SLC24A3: variants seen among roughly 807,000 people sequenced by gnomAD.
The protein encoded by SLC24A3 is sodium/potassium/calcium exchanger 3.
In SLC24A3, 28 loss-of-function variants were observed where a neutral mutation model predicts 75.8. The ratio of observed to expected loss-of-function variants is 0.37; its 90% CI spans 0.27 to 0.51. The LOEUF (loss-of-function observed/expected upper bound fraction) is 0.51, where lower values mean the gene tolerates loss of function less well. Ranked by LOEUF, SLC24A3 falls within the 20% of genes least tolerant of loss-of-function variation. The pLI is 0.94. For synonymous variants in SLC24A3, 372 were observed against 334.1 expected (o/e 1.11, Z -1.24); for missense variants, 663 against 847.8 (o/e 0.78, Z 2.71).
chr20:19,620,374 T>C (rs1433115389), intron 6 of SLC24A3, among the ~76,000 whole-genome samples: 2 of 152,214 alleles, frequency 1.3e-5, no homozygotes, highest in African/African-American at 4.8e-5. Flanking sequence ...GCATCTCAAA[T>C]TCAAGGCTCT....
chr20:19,670,848 C>T (rs1190773944), intron 8 of SLC24A3, among the ~76,000 whole-genome samples: 1 of 152,074 alleles, frequency 6.6e-6, no homozygotes, highest in Non-Finnish European at 1.5e-5. Flanking sequence ...TGGCTGCTTT[C>T]TGCTGGGGAG....
At chr20:19,284,125 G>T (rs1983741976) in intron 2 of SLC24A3, 1 of 153,246 alleles carries the variant, frequency 6.5e-6, no homozygotes, top group South Asian at 2.1e-4. Context: ...TGTGAGCCCT[G>T]GTTACCTCCA....
chr20:19,664,976 G>C (rs1275485775), intron 7 of SLC24A3, among the ~76,000 whole-genome samples: 1 of 152,158 alleles, frequency 6.6e-6, no homozygotes, highest in Non-Finnish European at 1.5e-5. Context: ...TGTTCTCTGT[G>C]ACTCAGTTTC....
At chr20:19,527,100 T>C (rs373025798) in intron 3 of SLC24A3, among the ~76,000 whole-genome samples, 48 of 152,116 alleles carry the variant, frequency 3.2e-4, no homozygotes, top group African/African-American at 1.1e-3. Context: ...CTCCCTGAAA[T>C]CCAACTACAA....
At chr20:19,541,111 T>C (rs1328414389) in intron 3 of SLC24A3, among the ~76,000 whole-genome samples, 1 of 152,256 alleles carries the variant, frequency 6.6e-6, no homozygotes, top group Non-Finnish European at 1.5e-5. Flanking sequence ...CTTTTTACTT[T>C]AGTCTACATT....
At chr20:19,295,689 T>G (rs879309120) in intron 2 of SLC24A3, among the ~76,000 whole-genome samples, 4 of 152,192 alleles carry the variant, frequency 2.6e-5, no homozygotes, top group Non-Finnish European at 4.4e-5. Flanking sequence ...CAGCCTTGCA[T>G]CAGGGATGAA....
intron 2 of SLC24A3, among the ~76,000 whole-genome samples, chr20:19,437,279 C>T (rs1448039378): frequency 6.6e-6 from 1 of 152,148 alleles, no homozygotes; most frequent in African/African-American, 2.4e-5. Context: ...GGGCAGTTTT[C>T]CCCATGCTGT....
chr20:19,232,295 G>C (rs6045926), intron 1 of SLC24A3, among the ~76,000 whole-genome samples: 96,920 of 152,030 alleles, frequency 0.64, 32,092 homozygotes, highest in East Asian at 0.96. Flanking sequence ...GTGATGATCA[G>C]CTCTCTTTAT....
chr20:19,601,481 T>C (rs1466078640), intron 6 of SLC24A3, among the ~76,000 whole-genome samples: 1 of 152,112 alleles, frequency 6.6e-6, no homozygotes, highest in Non-Finnish European at 1.5e-5. Flanking sequence ...GCGTCATCCC[T>C]CCTCCACTCA....
chr20:19,557,760 T>G (rs2030812986), intron 3 of SLC24A3, among the ~76,000 whole-genome samples: 1 of 152,160 alleles, frequency 6.6e-6, no homozygotes. Flanking sequence ...GTGTGACAAA[T>G]CTGTTCTAAC....
intron 3 of SLC24A3, among the ~76,000 whole-genome samples, chr20:19,575,095 C>CA (rs1379169527): frequency 1.0e-4 from 15 of 149,770 alleles, no homozygotes; most frequent in South Asian, 8.5e-4. Context: ...AAAAAAAATA[C>CA]AAAAAAAAAT....
intron 12 of SLC24A3, among the ~76,000 whole-genome samples, chr20:19,687,374 T>C (rs1329536564): frequency 6.6e-6 from 1 of 152,186 alleles, no homozygotes; most frequent in Non-Finnish European, 1.5e-5. Context: ...ATCAGGCACC[T>C]GCACAATCTC....
At chr20:19,680,330 C>T (rs1048085957) in intron 9 of SLC24A3, among the ~76,000 whole-genome samples, 6 of 152,144 alleles carry the variant, frequency 3.9e-5, no homozygotes, top group Non-Finnish European at 8.8e-5. Flanking sequence ...TATGTGTTTC[C>T]TATATGTCTG....
chr20:19,611,424 C>T (rs980753909), intron 6 of SLC24A3, among the ~76,000 whole-genome samples: 6 of 152,158 alleles, frequency 3.9e-5, no homozygotes, highest in Admixed American at 3.9e-4. Flanking sequence ...GATTCTTGAT[C>T]CCCACTTAGG....
intron 2 of SLC24A3, among the ~76,000 whole-genome samples, chr20:19,329,722 T>C (rs760649805): frequency 6.6e-6 from 1 of 152,208 alleles, no homozygotes; most frequent in Non-Finnish European, 1.5e-5. Flanking sequence ...CCCAGAAATA[T>C]TTTTCCCCCT....
At chr20:19,427,938 A>G (rs941340481) in intron 2 of SLC24A3, among the ~76,000 whole-genome samples, 5 of 152,250 alleles carry the variant, frequency 3.3e-5, no homozygotes, top group Non-Finnish European at 4.4e-5. Flanking sequence ...AAGCTTATCA[A>G]TAATTCTGCT....
intron 13 of SLC24A3, chr20:19,694,437 T>C (rs1045127714): frequency 1.3e-5 from 2 of 152,162 alleles, no homozygotes; most frequent in South Asian, 2.1e-4. Flanking sequence ...GCTACATGGG[T>C]TGCAAATTTG....
Position 19,654,152 on chromosome 20 carries a change from C to T in SLC24A3, c.687+16C>T. Reference sequence around the variant, plus strand: ...GCTCATCGTGGTGAGTCACTCTGGCCATTTCAGCTCCCATCAGTGCTCTTT... The same window carrying T: ...GCTCATCGTGGTGAGTCACTCTGGCTATTTCAGCTCCCATCAGTGCTCTTT... On this transcript the variant is annotated intron_variant, in intron 7 of 16. Transcript: ENST00000328041. 6.2e-7 allele frequency: 1 copy of T among 1,611,474 alleles called. No homozygotes were observed. Among genetic ancestry groups the T allele is most frequent in the Non-Finnish European group, 8.5e-7 (1 of 1,177,836 alleles).
At chr20:19,317,825 C>T (rs528739123) in intron 2 of SLC24A3, among the ~76,000 whole-genome samples, 2 of 152,298 alleles carry the variant, frequency 1.3e-5, no homozygotes, top group South Asian at 4.1e-4. Context: ...ATAAAGGTGC[C>T]CTCGGGCATC....
Sources: allele counts gnomAD v4.1 joint callset (sites outside exome capture counted in the v4.1 genomes callset), GRCh38; gene constraint gnomAD v4.1.1; transcripts MANE v1.5; gene names NCBI Gene and HGNC (gene_info 2026-07-23, HGNC 2026-07-21).